TMEM181: variants seen among roughly 807,000 people sequenced by gnomAD.
TMEM181 encodes the protein transmembrane protein 181, also known as G protein-coupled receptor 178.
Under a neutral mutation model 71.9 loss-of-function variants are expected in TMEM181, and 39 were observed. The ratio of observed to expected loss-of-function variants is 0.54; its 90% CI spans 0.42 to 0.71. The LOEUF (loss-of-function observed/expected upper bound fraction) is 0.71. TMEM181 is among the 30% of genes least tolerant of loss of function. The probability of loss-of-function intolerance (pLI) is 0.00; values close to 1 mark genes in which losing one functional copy is unlikely to be tolerated. For synonymous variants in TMEM181, 245 were observed against 228.8 expected (o/e 1.07, Z -0.64); for missense variants, 595 against 583.0 (o/e 1.02, Z -0.21).
chr6:158,627,380 C>G (rs1376974015), intron 13 of TMEM181, among the ~76,000 whole-genome samples: 1 of 152,250 alleles, frequency 6.6e-6, no homozygotes, highest in African/African-American at 2.4e-5. Flanking sequence ...AGGCTTCTCT[C>G]TGTCACGGGA....
At chr6:158,560,012 G>T, upstream of TMEM181, 4 of 982,280 alleles carry the variant, frequency 4.1e-6, no homozygotes, top group Non-Finnish European at 4.8e-6. Context: ...CGCGCCCGCG[G>T]CCCCGCTTCC....
intron 6 of TMEM181, among the ~76,000 whole-genome samples, chr6:158,599,235 C>T (rs545435164): frequency 9.2e-5 from 14 of 152,282 alleles, no homozygotes; most frequent in South Asian, 2.1e-4. Context: ...TGTGCCTGCA[C>T]GGAGGACAAG....
At chr6:158,583,125 TG>T (rs1783570013) in intron 3 of TMEM181, among the ~76,000 whole-genome samples, 2 of 151,964 alleles carry the variant, frequency 1.3e-5, no homozygotes, top group Admixed American at 6.6e-5. Context: ...CCCAGCTATT[TG>T]GGAGGCTGAG....
At chr6:158,578,783 G>T (rs1366348925) in intron 2 of TMEM181, among the ~76,000 whole-genome samples, 2 of 152,190 alleles carry the variant, frequency 1.3e-5, no homozygotes, top group Non-Finnish European at 2.9e-5. Flanking sequence ...CAATTAAAAA[G>T]CAGAGGTTGG....
intron 10 of TMEM181, 42 bp from the exon 11 acceptor site, chr6:158,623,502 AGTAAAG>A (rs1786093969): frequency 1.6e-6 from 2 of 1,235,508 alleles, no homozygotes; most frequent in African/African-American, 3.1e-5. Context: ...TAAAATAAAA[AGTAAAG>A]GTAGTTATTA....
At chr6:158,587,208 C>G (rs1376594984) in intron 5 of TMEM181, among the ~76,000 whole-genome samples, 1 of 152,198 alleles carries the variant, frequency 6.6e-6, no homozygotes, top group Non-Finnish European at 1.5e-5. Flanking sequence ...CTACCTAAAG[C>G]CTTTGCTTCA....
intron 2 of TMEM181, among the ~76,000 whole-genome samples, chr6:158,579,954 T>G (rs1289701068): frequency 6.6e-6 from 1 of 152,182 alleles, no homozygotes; most frequent in African/African-American, 2.4e-5. Context: ...GCACAGTGTT[T>G]CAGTTTTGAA....
chr6:158,623,785 G>T (rs1479565988), intron 11 of TMEM181, among the ~76,000 whole-genome samples, 178 bp downstream of exon 11: 1 of 150,136 alleles, frequency 6.7e-6, no homozygotes, highest in East Asian at 1.9e-4. Flanking sequence ...TTTTGAGTTG[G>T]AGTCTTGCTC....
At chr6:158,605,152 GT>G in intron 6 of TMEM181, 114 bp from the exon 7 acceptor site, 1 of 554,388 alleles carries the variant, frequency 1.8e-6, no homozygotes, top group Non-Finnish European at 3.2e-6. Flanking sequence ...GTGTGTGTGT[GT>G]GTGTGTATGT....
intron 1 of TMEM181, among the ~76,000 whole-genome samples, chr6:158,539,714 G>A (rs1781268492): frequency 6.6e-6 from 1 of 152,218 alleles, no homozygotes; most frequent in African/African-American, 2.4e-5. Context: ...AGGACTCTTG[G>A]CGATTTTCAC....
At chr6:158,543,372 C>A (rs573876884) in intron 1 of TMEM181, among the ~76,000 whole-genome samples, 1 of 152,220 alleles carries the variant, frequency 6.6e-6, no homozygotes, top group Non-Finnish European at 1.5e-5. Flanking sequence ...TCTGGTGGAA[C>A]ACCTGAAGCT....
At chr6:158,568,119 C>T (rs73012202) in intron 1 of TMEM181, among the ~76,000 whole-genome samples, 68 of 152,046 alleles carry the variant, frequency 4.5e-4, no homozygotes, top group Middle Eastern at 6.8e-3. Context: ...TCAGCTCTTC[C>T]TGGCTGGCTG....
chr6:158,614,922 G>C (rs550608513), intron 10 of TMEM181, among the ~76,000 whole-genome samples: 49 of 152,242 alleles, frequency 3.2e-4, no homozygotes, highest in African/African-American at 8.2e-4. Flanking sequence ...AGTCTTTGCT[G>C]TTGGGAATAG....
intron 1 of TMEM181, among the ~76,000 whole-genome samples, chr6:158,554,153 T>C (rs930001064): frequency 1.4e-4 from 22 of 152,172 alleles, no homozygotes; most frequent in Middle Eastern, 3.4e-3. Context: ...TGGCCCGGTC[T>C]TGGCTCACTG....
intron 2 of TMEM181, among the ~76,000 whole-genome samples, chr6:158,577,782 C>T (rs566617512): frequency 6.6e-6 from 1 of 152,284 alleles, no homozygotes; most frequent in East Asian, 1.9e-4. Context: ...TGGGCTGATA[C>T]ATTCAAAGTT....
In TMEM181 at chr6:158,632,081, G is replaced by GCTAC. The variant is rs1786698768; in HGVS notation, c.*194_*197dup. The GCTAC allele has an allele frequency of 3.5e-6, 2 of 577,574 alleles. No homozygotes were observed. Among genetic ancestry groups the GCTAC allele is most frequent in the Admixed American group, 6.2e-5 (2 of 32,490 alleles). 35.8% of individuals were successfully genotyped at this position (577,574 alleles called of 1,614,324 possible). The stretch of plus-strand genomic sequence containing the variant: ...TTTAGCCAAATTTATTGTCATGGTG[G>GCTAC]CTACGAGAAGAGGCATTGATAACAA... On this transcript the variant is annotated 3_prime_UTR_variant, in exon 17 of 17. Transcript: ENST00000684151.
intron 1 of TMEM181, among the ~76,000 whole-genome samples, chr6:158,564,723 C>G (rs1382058723): frequency 1.3e-5 from 2 of 152,170 alleles, no homozygotes; most frequent in African/African-American, 4.8e-5. Flanking sequence ...AACTGAGGGT[C>G]TGGGGAACTG....
At chr6:158,587,089 CAG>C (rs986572286) in intron 5 of TMEM181, among the ~76,000 whole-genome samples, 3 of 152,328 alleles carry the variant, frequency 2.0e-5, no homozygotes, top group South Asian at 4.1e-4. Flanking sequence ...GACCATTAGT[CAG>C]GGGTTGCTTA....
At position 158,542,866 on chromosome 6, in the gene TMEM181, TG is replaced by T. The variant is rs1318127495; in HGVS notation, c.131+6003del. On this transcript the variant is annotated intron_variant, in intron 1 of 16. Transcript: ENST00000367090. ...AATCTGCCTGCCTCGGCCTCCAGAG[TG>T]GTTTTTTTTTTTTTTTTTTTTTTTT... Among the ~76,000 whole-genome samples the T allele has an allele frequency of 4.5e-4, 57 of 127,434 alleles. No homozygotes were observed. In the East Asian group the frequency reaches 6.7e-3, roughly 15 times the overall value. 83.6% of individuals were successfully genotyped at this position (127,434 alleles called of 152,430 possible).
Sources: allele counts gnomAD v4.1 joint callset (sites outside exome capture counted in the v4.1 genomes callset), GRCh38; gene constraint gnomAD v4.1.1; transcripts MANE v1.5; gene names NCBI Gene and HGNC (gene_info 2026-07-23, HGNC 2026-07-21).